Variants in CDC42BPB observed in about 807,000 individuals in gnomAD.
CDC42BPB encodes CDC42 binding protein kinase beta, also known as serine/threonine-protein kinase MRCK beta.
A neutral mutation model predicts 214.9 loss-of-function variants in CDC42BPB; 37 were observed. That is an observed-to-expected ratio of 0.17 (90% CI 0.13 to 0.23). CDC42BPB has a LOEUF of 0.23. Ranked by LOEUF, CDC42BPB falls within the 10% of genes least tolerant of loss-of-function variation. The pLI is 1.00. For synonymous variants in CDC42BPB, 931 were observed against 884.0 expected (o/e 1.05, Z -0.94); for missense variants, 1,694 against 2,227.0 (o/e 0.76, Z 4.82).
Position 103,021,843 on chromosome 14 carries a change from C to T in CDC42BPB, c.176-9655G>A, listed in dbSNP as rs573741023. 1.4e-3 allele frequency among the ~76,000 whole-genome samples: 217 copies of T among 152,220 alleles called. 2 individuals carry two copies. The highest frequency in any genetic ancestry group is 5.0e-3 in the African/African-American group (206 of 41,520). On this transcript the variant is annotated intron_variant, in intron 1 of 36. Coordinates refer to ENST00000361246, the MANE Select transcript of CDC42BPB (RefSeq NM_006035.4). ...GCGATAGCAGTCTGGTCAGAAGCAG[C>T]GGTGAGATCCTGGCTGTTCCTGAAA... is the stretch of plus-strand genomic sequence containing the variant.
rs1309638073 is a variant in CDC42BPB at position 102,954,264 on chromosome 14, C to A, written c.3000G>T (p.Arg1000=). Residue 1000 remains arginine (R), a synonymous_variant, in exon 23 of 37, where the codon CGG becomes CGT. Coordinates refer to ENST00000361246, the MANE Select transcript of CDC42BPB (RefSeq NM_006035.4). ...AASEQQEDMA[R]PPQRPSAVPL... ...GCACAGCGGATGGCCTCTGCGGGGG[C>A]CGAGCCATGTCCTGGGAGACAAGCA... 1.9e-5 allele frequency: 29 copies of A among 1,531,280 alleles called. No homozygotes were observed. Among genetic ancestry groups the A allele is most frequent in the Non-Finnish European group, 2.5e-5 (29 of 1,141,384 alleles). The allele number at this position is 1,531,280 out of a possible 1,614,324, so 94.9% of individuals were successfully genotyped here. A position where few individuals can be genotyped will look rare whatever the true frequency, so the allele number is the denominator to read the frequency against.
Position 102,968,468 on chromosome 14 carries a change from C to A in CDC42BPB, c.2240+4G>T. On this transcript the variant is annotated splice_donor_region_variant and intron_variant, in intron 15 of 36. Transcript: ENST00000361246. ...TCTGAACTGAGAAGCTCATGAAAAC[C>A]TACCGTTCTCGCTTTGACTTTTCTA... 6.2e-7 allele frequency: 1 copy of A among 1,614,006 alleles called. No individual in the cohort carries two copies.
At chr14:103,007,029 GC>G (rs1885867164) in intron 3 of CDC42BPB, among the ~76,000 whole-genome samples, 1 of 152,136 alleles carries the variant, frequency 6.6e-6, no homozygotes, top group Non-Finnish European at 1.5e-5. Flanking sequence ...CTGAGGGCAG[GC>G]CCAGCGGAAG....
intron 20 of CDC42BPB, among the ~76,000 whole-genome samples, chr14:102,962,859 G>T (rs1040290782): frequency 6.6e-6 from 1 of 152,020 alleles, no homozygotes; most frequent in African/African-American, 2.4e-5. Flanking sequence ...CAAAAAAAAA[G>T]GAAGGATAAA....
At chr14:102,945,206 C>G (rs549111780) in intron 29 of CDC42BPB, 1 of 457,146 alleles carries the variant, frequency 2.2e-6, no homozygotes, top group African/African-American at 2.0e-5. Context: ...GAGGGATGCT[C>G]CCCTGGGCCC....
chr14:102,956,089 G>T (rs1892694137), intron 21 of CDC42BPB, among the ~76,000 whole-genome samples: 1 of 152,184 alleles, frequency 6.6e-6, no homozygotes, highest in African/African-American at 2.4e-5. Flanking sequence ...ATGAGAAAAA[G>T]AATATTAATT....
In CDC42BPB at chr14:102,942,339, G is replaced by A. The variant is rs1398441490; in HGVS notation, c.4408+1552C>T. ...CACAGGCCTGGTGTCTAGCCACGAC[G>A]CCCTGGGTATGATGCCGTCTCAGCA... On this transcript the variant is annotated intron_variant, in intron 30 of 36. Coordinates refer to ENST00000361246, the MANE Select transcript of CDC42BPB (RefSeq NM_006035.4). Among the ~76,000 whole-genome samples the A allele has an allele frequency of 4.6e-5, 7 of 152,320 alleles. No homozygotes were observed. The South Asian group carries it at 8.3e-4, about 18-fold the overall frequency.
At chr14:103,028,407 G>A (rs560911732) in intron 1 of CDC42BPB, among the ~76,000 whole-genome samples, 1 of 152,340 alleles carries the variant, frequency 6.6e-6, no homozygotes, top group Admixed American at 6.5e-5. Context: ...GGTAAATTAA[G>A]GATAATCCCA....
intron 1 of CDC42BPB, among the ~76,000 whole-genome samples, chr14:103,047,324 T>C (rs1888348783): frequency 6.8e-6 from 1 of 146,462 alleles, no homozygotes; most frequent in Non-Finnish European, 1.5e-5. Context: ...AAAACTACAG[T>C]ATTATCAACA....
At position 102,999,720 on chromosome 14, in the gene CDC42BPB, A is replaced by T. The variant is rs1325310784; in HGVS notation, c.448-7T>A. 3 of 1,613,876 alleles carry T rather than the reference A, an allele frequency of 1.9e-6. No individual in the cohort carries two copies. The highest frequency in any genetic ancestry group is 3.3e-5 in the Admixed American group (2 of 59,982). On this transcript the variant is annotated splice_region_variant and splice_polypyrimidine_tract_variant and intron_variant, in intron 4 of 36. Coordinates refer to ENST00000361246, the MANE Select transcript of CDC42BPB (RefSeq NM_006035.4). ...AGTAATCCATGACTAAGTACTACAA[A>T]TTGGAAAGAGAAGGGGAGAGAATAC...
intron 1 of CDC42BPB, among the ~76,000 whole-genome samples, chr14:103,044,987 C>A (rs1372745473): frequency 6.6e-6 from 1 of 151,150 alleles, no homozygotes; most frequent in African/African-American, 2.4e-5. Context: ...ATCCCTTGAG[C>A]TCTGGAGTTC....
At chr14:103,038,301 G>A (rs1374476675) in intron 1 of CDC42BPB, among the ~76,000 whole-genome samples, 2 of 149,668 alleles carry the variant, frequency 1.3e-5, no homozygotes, top group Non-Finnish European at 3.0e-5. Context: ...TCACACCACT[G>A]CACTCCAGCC....
intron 1 of CDC42BPB, chr14:103,041,959 G>A (rs1166537031): frequency 5.6e-6 from 2 of 355,550 alleles, no homozygotes; most frequent in Non-Finnish European, 5.6e-6. Flanking sequence ...GAAGGAGAAA[G>A]CCCAAGTCAT....
intron 1 of CDC42BPB, among the ~76,000 whole-genome samples, chr14:103,028,408 G>C (rs1477826842): frequency 6.6e-6 from 1 of 152,226 alleles, no homozygotes; most frequent in African/African-American, 2.4e-5. Flanking sequence ...GTAAATTAAG[G>C]ATAATCCCAG....
chr14:103,004,150 C>A lies in CDC42BPB; in HGVS notation c.352-127G>T, dbSNP rs1895126449. ...GGTGTCCCTGCCTTCCGGGCTCCTC[C>A]TCGTGCACCACCCCGAGGCTGCTGA... On this transcript the variant is annotated intron_variant, in intron 3 of 36. Transcript: ENST00000361246. The surrounding 1 kb of genome is among the most constrained non-coding windows in gnomAD (Gnocchi z 5.3). 1 of 1,406,480 alleles carries A rather than the reference C, an allele frequency of 7.1e-7. No individual in the cohort carries two copies. The highest frequency in any genetic ancestry group is 1.4e-5 in the African/African-American group (1 of 69,658). 87.1% of individuals were successfully genotyped at this position (1,406,480 alleles called of 1,614,324 possible). A position where few individuals can be genotyped will look rare whatever the true frequency, so the allele number is the denominator to read the frequency against.
intron 1 of CDC42BPB, among the ~76,000 whole-genome samples, chr14:103,056,515 T>TG (rs1888961509): frequency 7.5e-6 from 1 of 132,872 alleles, no homozygotes; most frequent in Non-Finnish European, 1.6e-5. Context: ...AAGCGTGGGG[T>TG]GGGGAAAGGG....
At position 102,944,039 on chromosome 14, in the gene CDC42BPB, T is replaced by A; in HGVS notation, c.4260A>T (p.Ser1420=). ...NPNDPSLAFL[S]QQSFDALCAV... is the part of the protein sequence containing the mutation. ...CACAAAGGGCATCAAAAGACTGTTG[T>A]GAGAGGAACGCAAGCGAGGGGTCAT... The change falls in exon 30 of 37, where the codon TCA becomes TCT. Residue 1420 remains serine, a synonymous_variant. Transcript: ENST00000361246. This position sits in a 1 kb window ranked among gnomAD's most constrained non-coding sequence, Gnocchi z 6.6. 1 of 1,613,510 alleles carries A rather than the reference T, an allele frequency of 6.2e-7. No individual in the cohort carries two copies. Among genetic ancestry groups the A allele is most frequent in the Non-Finnish European group, 8.5e-7 (1 of 1,180,012 alleles).
intron 1 of CDC42BPB, among the ~76,000 whole-genome samples, chr14:103,032,479 C>T (rs1374819703): frequency 7.1e-6 from 1 of 141,268 alleles, no homozygotes; most frequent in Non-Finnish European, 1.5e-5. Context: ...CACTAGAAAC[C>T]AGTTAAAACT....
intron 1 of CDC42BPB, among the ~76,000 whole-genome samples, chr14:103,031,344 T>A (rs1276025222): frequency 6.6e-6 from 1 of 152,134 alleles, no homozygotes; most frequent in Non-Finnish European, 1.5e-5. Context: ...ACTACCCTTT[T>A]CACCAGATGC....
Sources: allele counts gnomAD v4.1 joint callset (sites outside exome capture counted in the v4.1 genomes callset), GRCh38; gene constraint gnomAD v4.1.1; non-coding constraint Gnocchi (gnomAD v3.1); transcripts MANE v1.5; gene names NCBI Gene and HGNC (gene_info 2026-07-23, HGNC 2026-07-21).